The following CLYBL variants were observed in gnomAD, a reference collection of about 807,000 sequenced individuals.
The protein encoded by CLYBL is citramalyl-CoA lyase.
In CLYBL, 31 loss-of-function variants were observed where a neutral mutation model predicts 38.9. The ratio of observed to expected loss-of-function variants is 0.80; its 90% CI spans 0.60 to 1.08. The LOEUF is 1.08. Among genes scored for constraint, CLYBL ranks in the 50% least tolerant of loss-of-function variants. The pLI is 0.00. For synonymous variants in CLYBL, 171 were observed against 158.6 expected (o/e 1.08, Z -0.59); for missense variants, 434 against 411.6 (o/e 1.05, Z -0.47).
chr13:99,821,173 G>T (rs2050581309), intron 2 of CLYBL, among the ~76,000 whole-genome samples: 1 of 152,128 alleles, frequency 6.6e-6, no homozygotes, highest in Non-Finnish European at 1.5e-5. Flanking sequence ...AGTAATCTTG[G>T]TCCTATTCCT....
At chr13:99,847,802 C>G (rs1017111018) in intron 2 of CLYBL, among the ~76,000 whole-genome samples, 1 of 152,216 alleles carries the variant, frequency 6.6e-6, no homozygotes, top group African/African-American at 2.4e-5. Context: ...CGAAGGCAGG[C>G]AGGGCTGCAG....
At chr13:99,904,519 C>G (rs1158889583) in intron 8 of CLYBL, among the ~76,000 whole-genome samples, 1 of 152,216 alleles carries the variant, frequency 6.6e-6, no homozygotes, top group African/African-American at 2.4e-5. Context: ...TGAATGATTG[C>G]AGAAGAGGCT....
chr13:99,675,212 G>T (rs1448123810), intron 1 of CLYBL, among the ~76,000 whole-genome samples: 1 of 152,146 alleles, frequency 6.6e-6, no homozygotes, highest in Non-Finnish European at 1.5e-5. Flanking sequence ...GCACTCATCA[G>T]GCTTTAATAT....
chr13:99,878,976 T>C (rs2052122221), intron 7 of CLYBL, among the ~76,000 whole-genome samples: 1 of 152,202 alleles, frequency 6.6e-6, no homozygotes, highest in African/African-American at 2.4e-5. Flanking sequence ...TAAGCATGGC[T>C]CTGGTCCGTG....
chr13:99,697,847 C>T (rs1292997760), intron 1 of CLYBL, among the ~76,000 whole-genome samples: 2 of 152,072 alleles, frequency 1.3e-5, no homozygotes, highest in East Asian at 1.9e-4. Context: ...GGGGTTTCAC[C>T]ATGTTGGCCA....
chr13:99,798,274 A>G (rs1186856593), intron 2 of CLYBL, among the ~76,000 whole-genome samples: 2 of 152,204 alleles, frequency 1.3e-5, no homozygotes, highest in Non-Finnish European at 2.9e-5. Flanking sequence ...ATAGTAATAT[A>G]AGAATGAAGA....
chr13:99,635,518 G>A (rs567845363), intron 1 of CLYBL, among the ~76,000 whole-genome samples: 14 of 152,226 alleles, frequency 9.2e-5, no homozygotes, highest in African/African-American at 3.1e-4. Flanking sequence ...CTGGCTTTGC[G>A]CAGCTTATTG....
chr13:99,836,116 G>A (rs1411264910), intron 2 of CLYBL, among the ~76,000 whole-genome samples: 2 of 152,194 alleles, frequency 1.3e-5, no homozygotes, highest in African/African-American at 2.4e-5. Flanking sequence ...ATGCAGTCAT[G>A]AGATGGGATT....
At chr13:99,777,639 C>T (rs985133658) in intron 2 of CLYBL, among the ~76,000 whole-genome samples, 2 of 151,880 alleles carry the variant, frequency 1.3e-5, no homozygotes, top group Non-Finnish European at 2.9e-5. Context: ...ATTACAGGCG[C>T]ATGCCACCAC....
At chr13:99,653,014 C>T (rs1212668381) in intron 1 of CLYBL, among the ~76,000 whole-genome samples, 1 of 152,158 alleles carries the variant, frequency 6.6e-6, no homozygotes, top group Non-Finnish European at 1.5e-5. Flanking sequence ...GTGGGCTTTG[C>T]ACGTGTGTGG....
chr13:99,622,545 A>G (rs1302492111), intron 1 of CLYBL, among the ~76,000 whole-genome samples: 1 of 152,214 alleles, frequency 6.6e-6, no homozygotes, highest in Non-Finnish European at 1.5e-5. Context: ...AGGATTGTTT[A>G]CATGTATGGG....
At chr13:99,712,008 T>C (rs1594133275) in intron 1 of CLYBL, among the ~76,000 whole-genome samples, 1 of 152,184 alleles carries the variant, frequency 6.6e-6, no homozygotes, top group African/African-American at 2.4e-5. Context: ...AGGGAGTCTG[T>C]CTTTTATAAA....
chr13:99,610,616 C>G (rs1286220577), intron 1 of CLYBL, among the ~76,000 whole-genome samples: 3 of 152,164 alleles, frequency 2.0e-5, no homozygotes, highest in Admixed American at 6.5e-5. Context: ...CTGAGGGACT[C>G]TGTGTGTGTC....
At chr13:99,733,284 A>G (rs77375243) in intron 1 of CLYBL, among the ~76,000 whole-genome samples, 1 of 151,868 alleles carries the variant, frequency 6.6e-6, no homozygotes, top group Admixed American at 6.6e-5. Flanking sequence ...AAAAAAAAAA[A>G]CAAACTGTAA....
chr13:99,753,119 T>C (rs928584083), intron 1 of CLYBL, among the ~76,000 whole-genome samples: 8 of 152,018 alleles, frequency 5.3e-5, no homozygotes, highest in Admixed American at 4.6e-4. Flanking sequence ...GAACCACTTA[T>C]GGGATGGTCC....
intron 2 of CLYBL, among the ~76,000 whole-genome samples, chr13:99,821,178 A>G (rs956829979): frequency 6.6e-6 from 1 of 152,186 alleles, no homozygotes; most frequent in Non-Finnish European, 1.5e-5. Context: ...TCTTGGTCCT[A>G]TTCCTAATAA....
At chr13:99,835,904 A>T (rs2050923553) in intron 2 of CLYBL, among the ~76,000 whole-genome samples, 1 of 152,202 alleles carries the variant, frequency 6.6e-6, no homozygotes, top group African/African-American at 2.4e-5. Flanking sequence ...ATTGGCAAGA[A>T]AATCTGACAG....
At chr13:99,694,306 G>A (rs1016872774) in intron 1 of CLYBL, among the ~76,000 whole-genome samples, 1 of 152,192 alleles carries the variant, frequency 6.6e-6, no homozygotes, top group African/African-American at 2.4e-5. Flanking sequence ...CTGCAAACCC[G>A]GCAGAGCCAA....
At chr13:99,771,226 C>G (rs1424935953) in intron 1 of CLYBL, among the ~76,000 whole-genome samples, 1 of 151,892 alleles carries the variant, frequency 6.6e-6, no homozygotes, top group Admixed American at 6.6e-5. Context: ...AGTTTTTTTC[C>G]TGATAGAGCC....
Sources: gnomAD v4.1 joint callset for allele counts (sites outside exome capture counted in the v4.1 genomes callset) on GRCh38, gnomAD v4.1.1 for gene constraint, MANE v1.5 for transcripts, NCBI Gene and HGNC (gene_info 2026-07-23, HGNC 2026-07-21) for gene names.